Variants in ZFYVE1 observed in about 807,000 individuals in gnomAD.
ZFYVE1 encodes zinc finger FYVE domain-containing protein 1.
A neutral mutation model predicts 74.4 loss-of-function variants in ZFYVE1; 30 were observed. That is an observed-to-expected ratio of 0.40 (90% CI 0.30 to 0.55). ZFYVE1 has a LOEUF of 0.55. Ranked by LOEUF, ZFYVE1 falls within the 20% of genes least tolerant of loss-of-function variation. The pLI is 0.42. For missense variants in ZFYVE1, 703 were observed against 1,011.6 expected, an observed-to-expected ratio of 0.69 and a Z score of 4.14; for synonymous variants, 335 against 385.1, an observed-to-expected ratio of 0.87 and a Z score of 1.52.
At chr14:72,971,238 CT>C in intron 11 of ZFYVE1, 124 bp from the exon 12 acceptor site, 1 of 1,013,638 alleles carries the variant, frequency 9.9e-7, no homozygotes, top group Non-Finnish European at 1.4e-6. Flanking sequence ...GCTGACAGAG[CT>C]TTTTAAAAAT....
Position 72,993,296 on chromosome 14 carries a change from G to GA in ZFYVE1, c.1049dup (p.Glu352Ter). 1 of 1,613,696 alleles carries GA rather than the reference G, an allele frequency of 6.2e-7. No individual in the cohort carries two copies. Among genetic ancestry groups the GA allele is most frequent in the Non-Finnish European group, 8.5e-7 (1 of 1,179,980 alleles). On this transcript the variant is annotated frameshift_variant, in exon 4 of 12. Coordinates refer to ENST00000556143, the MANE Select transcript of ZFYVE1 (RefSeq NM_021260.4). LOFTEE classifies it high-confidence loss of function. ...AGTGAATGGAACTAAAGGCTTCAGG[G>GA]AAACGGCCCAGCTTCCGGAACCGGT...
intron 2 of ZFYVE1, among the ~76,000 whole-genome samples, chr14:73,016,527 T>TAAAC (rs1894206856): frequency 1.3e-5 from 2 of 148,906 alleles, no homozygotes; most frequent in African/African-American, 5.0e-5. Context: ...AATAAATAAA[T>TAAAC]AAATAAAGGA....
chr14:72,999,285 G>C (rs1251691435), intron 2 of ZFYVE1, among the ~76,000 whole-genome samples: 2 of 152,056 alleles, frequency 1.3e-5, no homozygotes, highest in Non-Finnish European at 2.9e-5. Flanking sequence ...AAATTAGCTG[G>C]GCATGGTGGC....
rs534246641 is a variant in ZFYVE1, at chr14:72,970,028, G to A, written c.*854C>T. On this transcript the variant is annotated 3_prime_UTR_variant, in exon 12 of 12. Coordinates refer to ENST00000556143, the MANE Select transcript of ZFYVE1 (RefSeq NM_021260.4). ...AGCAGATGGTGGGCTTGAGGGGGCC[G>A]AGGGGTGGGAGGCAGATGCTTCGAT... 2.9e-5 allele frequency: 12 copies of A among 414,908 alleles called. No individual in the cohort carries two copies. Among genetic ancestry groups the A allele is most frequent in the African/African-American group, 1.0e-4 (5 of 48,990 alleles). The allele number at this position is 414,908 out of a possible 1,614,324, so 25.7% of individuals were successfully genotyped here.
chr14:73,010,792 A>C (rs1353784646), intron 2 of ZFYVE1, among the ~76,000 whole-genome samples: 2 of 130,346 alleles, frequency 1.5e-5, no homozygotes, highest in South Asian at 2.6e-4. Flanking sequence ...AAAAAAAAAA[A>C]CCACACACAA....
In ZFYVE1 at chr14:72,974,168, A is replaced by G. The variant is rs759844520; in HGVS notation, c.2013T>C (p.Asp671=). 5 of 1,614,120 alleles carry G rather than the reference A, an allele frequency of 3.1e-6. No homozygotes were observed. The South Asian group carries it at 5.5e-5, about 18-fold the overall frequency. Residue 671 remains aspartate, a synonymous_variant, in exon 11 of 12, where the codon GAT becomes GAC. Coordinates refer to ENST00000556143, the MANE Select transcript of ZFYVE1 (RefSeq NM_021260.4). ...TCCGAGCAATGAGCGTTCCACCTTC[A>G]TCGTCCACTTGTGCCTCGGTAACAG... ...QLAVTEAQVD[D]EGGTLIARKV...
chr14:72,977,796 T>C lies in ZFYVE1; in HGVS notation c.1635+131A>G, dbSNP rs931873322. The C allele has an allele frequency of 3.3e-5, 31 of 938,490 alleles. 1 individual carries two copies. In the South Asian group the frequency reaches 3.8e-4, roughly 11 times the overall value. 58.1% of individuals were successfully genotyped at this position (938,490 alleles called of 1,614,324 possible). A position where few individuals can be genotyped will look rare whatever the true frequency, so the allele number is the denominator to read the frequency against. ...GAGAACAAAAAAGCTCTCCAGATCA[T>C]GCCTTTCTAAACCGCCAACATTCTG... On this transcript the variant is annotated intron_variant, in intron 8 of 11. Transcript: ENST00000556143.
rs1306828018 is a variant in ZFYVE1 at position 72,975,578 on chromosome 14, G to A, written c.1779C>T (p.Ala593=). The A allele has an allele frequency of 3.1e-6, 5 of 1,613,822 alleles. No homozygotes were observed. Among genetic ancestry groups the A allele is most frequent in the Non-Finnish European group, 4.2e-6 (5 of 1,179,940 alleles). Reference sequence around the variant, plus strand: ...GAATCTGGGAGTTGGGCCTCCAGTAGGCAGGGGCGATCTGGTCTGTCAGCC... The same window carrying A: ...GAATCTGGGAGTTGGGCCTCCAGTAAGCAGGGGCGATCTGGTCTGTCAGCC... ...TSWLTDQIAP[A]YWRPNSQILS... Residue 593 remains alanine, a synonymous_variant, in exon 9 of 12, where the codon GCC becomes GCT. Transcript: ENST00000556143. The surrounding 1 kb of genome is among the most constrained non-coding windows in gnomAD (Gnocchi z 4.1).
At chr14:72,996,946 T>C (rs1409966778) in intron 3 of ZFYVE1, among the ~76,000 whole-genome samples, 1 of 152,202 alleles carries the variant, frequency 6.6e-6, no homozygotes, top group African/African-American at 2.4e-5. Context: ...TCTAATCTGT[T>C]ATTGCACCTT....
At position 72,981,816 on chromosome 14, in the gene ZFYVE1, G is replaced by A; in HGVS notation, c.1283C>T (p.Thr428Ile). The change falls in exon 5 of 12, where the codon ACC becomes ATC. Residue 428 changes from threonine (T) to isoleucine (I), a missense_variant. By Grantham distance (89) the Thr-to-Ile change is moderately conservative (BLOSUM62 -1). This residue lies in a region of ZFYVE1 where 492 missense variants were observed against 790.0 expected (regional missense o/e 0.62). Transcript: ENST00000556143. ...HSSFFPDEYF[T>I]CSSLCLSCGV... ...ACAGCTGAGGCACAAGGAGGAGCAG[G>A]TGAAATACTCATCTGGAAAAAAGGA... is the stretch of plus-strand genomic sequence containing the variant. 6.2e-7 allele frequency: 1 copy of A among 1,614,138 alleles called. No homozygotes were observed. The highest frequency in any genetic ancestry group is 8.5e-7 in the Non-Finnish European group (1 of 1,180,032).
rs868276699 is a variant in ZFYVE1, at chr14:73,023,192, A to G, written c.483+834T>C. Among the ~76,000 whole-genome samples, 39 of 115,666 alleles carry G rather than the reference A, an allele frequency of 3.4e-4. 4 individuals carry two copies. The highest frequency in any genetic ancestry group is 7.0e-4 in the Admixed American group (7 of 10,020). 75.9% of individuals were successfully genotyped at this position (115,666 alleles called of 152,430 possible). On this transcript the variant is annotated intron_variant, in intron 2 of 11. Transcript: ENST00000556143. Reference sequence around the variant, plus strand: ...TATATATATATATATATATATATATATTTTATATATGTTTTATATATAATA... The same window carrying G: ...TATATATATATATATATATATATATGTTTTATATATGTTTTATATATAATA...
Position 72,969,583 on chromosome 14 carries a change from G to T in ZFYVE1, c.*1299C>A. 1 of 645,688 alleles carries T rather than the reference G, an allele frequency of 1.5e-6. No homozygotes were observed. Among genetic ancestry groups the T allele is most frequent in the South Asian group, 1.8e-5 (1 of 55,714 alleles). The allele number at this position is 645,688 out of a possible 1,614,324, so 40.0% of individuals were successfully genotyped here. ...CACACTCCAGGGCTCATGTCACACC[G>T]ATAGGCGCACCAGGAATGACCGCCA... is the stretch of plus-strand genomic sequence containing the variant. On this transcript the variant is annotated 3_prime_UTR_variant, in exon 12 of 12. Transcript: ENST00000556143.
At chr14:72,973,867 G>A (rs1327436080) in intron 11 of ZFYVE1, among the ~76,000 whole-genome samples, 1 of 152,216 alleles carries the variant, frequency 6.6e-6, no homozygotes, top group East Asian at 1.9e-4. Flanking sequence ...TCGTTACACA[G>A]CACTAGATGC....
At chr14:73,012,571 G>A (rs1288727555) in intron 2 of ZFYVE1, among the ~76,000 whole-genome samples, 1 of 151,980 alleles carries the variant, frequency 6.6e-6, no homozygotes, top group African/African-American at 2.4e-5. Context: ...GCAGTGAGCT[G>A]AGATAGTGCC....
At position 72,969,594 on chromosome 14, in the gene ZFYVE1, C is replaced by G; in HGVS notation, c.*1288G>C. 1 of 656,418 alleles carries G rather than the reference C, an allele frequency of 1.5e-6. No homozygotes were observed. Among genetic ancestry groups the G allele is most frequent in the Non-Finnish European group, 2.7e-6 (1 of 363,758 alleles). 40.7% of individuals were successfully genotyped at this position (656,418 alleles called of 1,614,324 possible). On this transcript the variant is annotated 3_prime_UTR_variant, in exon 12 of 12. Coordinates refer to ENST00000556143, the MANE Select transcript of ZFYVE1 (RefSeq NM_021260.4). ...GCTCATGTCACACCGATAGGCGCAC[C>G]AGGAATGACCGCCATATACTTCCCT...
chr14:72,998,070 G>A lies in ZFYVE1; in HGVS notation c.729C>T (p.Thr243=), dbSNP rs749561306. 9 of 1,613,986 alleles carry A rather than the reference G, an allele frequency of 5.6e-6. No individual in the cohort carries two copies. Among genetic ancestry groups the A allele is most frequent in the East Asian group, 2.2e-5 (1 of 44,896 alleles). The change falls in exon 3 of 12, where the codon ACC becomes ACT. Residue 243 remains threonine, a synonymous_variant. Coordinates refer to ENST00000556143, the MANE Select transcript of ZFYVE1 (RefSeq NM_021260.4). Reference sequence around the variant, plus strand: ...GCCGTGTTCTCTGGCTTAGATTCACGGTGGCCCCCAGGAGCCCTTCCGTAT... The same window carrying A: ...GCCGTGTTCTCTGGCTTAGATTCACAGTGGCCCCCAGGAGCCCTTCCGTAT... ...VIDTEGLLGA[T]VNLSQRTRLL...
At chr14:73,008,639 G>A (rs189178266) in intron 2 of ZFYVE1, among the ~76,000 whole-genome samples, 9 of 152,212 alleles carry the variant, frequency 5.9e-5, no homozygotes, top group East Asian at 1.9e-4. Flanking sequence ...TGGAAATACC[G>A]AGTCATCCCC....
Position 72,975,402 on chromosome 14 carries a change from G to A in ZFYVE1, c.1806+149C>T, listed in dbSNP as rs780495050. ...GCAAAGAGAAACTGGCTGCCTCAACGACTCCTCCCCTTGCCGGTACTCACA... is the reference window on the plus strand; with the variant it reads ...GCAAAGAGAAACTGGCTGCCTCAACAACTCCTCCCCTTGCCGGTACTCACA... On this transcript the variant is annotated intron_variant, in intron 9 of 11. Coordinates refer to ENST00000556143, the MANE Select transcript of ZFYVE1 (RefSeq NM_021260.4). The surrounding 1 kb of genome is among the most constrained non-coding windows in gnomAD (Gnocchi z 4.1). 4 of 990,842 alleles carry A rather than the reference G, an allele frequency of 4.0e-6. No individual in the cohort carries two copies. The highest frequency in any genetic ancestry group is 5.9e-6 in the Non-Finnish European group (4 of 683,654). The allele number at this position is 990,842 out of a possible 1,614,324, so 61.4% of individuals were successfully genotyped here. A position where few individuals can be genotyped will look rare whatever the true frequency, so the allele number is the denominator to read the frequency against.
chr14:72,973,528 G>A (rs1236477899), intron 11 of ZFYVE1, among the ~76,000 whole-genome samples: 1 of 151,990 alleles, frequency 6.6e-6, no homozygotes, highest in African/African-American at 2.4e-5. Context: ...AAAAGAGATG[G>A]GCAGCATCCA....
Sources: gnomAD v4.1 joint callset for allele counts (sites outside exome capture counted in the v4.1 genomes callset) on GRCh38, gnomAD v4.1.1 for gene constraint, gnomAD v4.1.1 regional missense constraint, Gnocchi (gnomAD v3.1) non-coding constraint, MANE v1.5 for transcripts, NCBI Gene and HGNC (gene_info 2026-07-23, HGNC 2026-07-21) for gene names.